STXBP5L: variants seen among roughly 807,000 people sequenced by gnomAD.
STXBP5L encodes syntaxin binding protein 5L.
Under a neutral mutation model 144.5 loss-of-function variants are expected in STXBP5L, and 65 were observed. That is an observed-to-expected ratio of 0.45 (90% CI 0.37 to 0.55). The LOEUF (loss-of-function observed/expected upper bound fraction) is 0.55, where lower values mean the gene tolerates loss of function less well. Ranked by LOEUF, STXBP5L falls within the 20% of genes least tolerant of loss-of-function variation. The pLI, the probability that STXBP5L is intolerant of heterozygous loss-of-function variation, is 0.00. For missense variants in STXBP5L, 1,298 were observed against 1,405.5 expected (o/e 0.92, Z 1.22); for synonymous variants, 505 against 469.6 (o/e 1.08, Z -0.97).
chr3:121,215,012 T>G (rs1353455892), intron 10 of STXBP5L, among the ~76,000 whole-genome samples: 2 of 152,144 alleles, frequency 1.3e-5, no homozygotes, highest in African/African-American at 2.4e-5. Context: ...TATCAGAGAT[T>G]AGGATTGCAA....
intron 7 of STXBP5L, among the ~76,000 whole-genome samples, chr3:121,143,185 T>C (rs1182231543): frequency 6.6e-6 from 1 of 151,082 alleles, no homozygotes; most frequent in African/African-American, 2.4e-5. Flanking sequence ...TAAGAACTAG[T>C]ATAGAGATTG....
At chr3:121,260,179 A>T (rs1181785592) in intron 18 of STXBP5L, among the ~76,000 whole-genome samples, 1 of 152,052 alleles carries the variant, frequency 6.6e-6, no homozygotes, top group Non-Finnish European at 1.5e-5. Context: ...TATCAGTAAA[A>T]TTTTTGTATA....
In STXBP5L at chr3:121,239,135, T is replaced by C. The variant is rs541067883; in HGVS notation, c.1332+17T>C. ...AGTAATAAGGTAAAAGTAGAAATTA[T>C]AAATAACTTTTTTTGTATTCATATC... is the stretch of plus-strand genomic sequence containing the variant. On this transcript the variant is annotated intron_variant, in intron 13 of 26. Transcript: ENST00000471454. The C allele has an allele frequency of 2.1e-6, 3 of 1,439,174 alleles. No homozygotes were observed. Among genetic ancestry groups the C allele is most frequent in the Non-Finnish European group, 1.9e-6 (2 of 1,065,378 alleles). The allele number at this position is 1,439,174 out of a possible 1,614,324, so 89.2% of individuals were successfully genotyped here.
At chr3:120,915,490 T>C (rs1432776492) in intron 2 of STXBP5L, among the ~76,000 whole-genome samples, 1 of 152,146 alleles carries the variant, frequency 6.6e-6, no homozygotes, top group African/African-American at 2.4e-5. Context: ...TTGAGTTTGT[T>C]TTTCTCATAA....
intron 5 of STXBP5L, among the ~76,000 whole-genome samples, chr3:121,066,763 A>G (rs1187648515): frequency 1.3e-5 from 2 of 151,994 alleles, no homozygotes; most frequent in Admixed American, 6.6e-5. Flanking sequence ...CCTTTTTTCT[A>G]TACTCTATAA....
intron 20 of STXBP5L, among the ~76,000 whole-genome samples, chr3:121,336,039 C>T (rs1355750500): frequency 6.6e-6 from 1 of 152,096 alleles, no homozygotes; most frequent in African/African-American, 2.4e-5. Context: ...GGACTAATAT[C>T]CAGCATCTAA....
At chr3:120,931,565 TC>T (rs1381751824) in intron 2 of STXBP5L, among the ~76,000 whole-genome samples, 9 of 152,216 alleles carry the variant, frequency 5.9e-5, no homozygotes, top group Non-Finnish European at 1.0e-4. Context: ...GCTTATTTTT[TC>T]TTTTGTTAAA....
chr3:121,035,893 C>A (rs1188100697), intron 3 of STXBP5L, among the ~76,000 whole-genome samples: 1 of 152,082 alleles, frequency 6.6e-6, no homozygotes. Context: ...TCTTTAATTT[C>A]TCTTTGTAAT....
intron 9 of STXBP5L, among the ~76,000 whole-genome samples, chr3:121,173,229 G>C (rs1311258351): frequency 6.6e-6 from 1 of 151,756 alleles, no homozygotes; most frequent in Non-Finnish European, 1.5e-5. Context: ...ACCTAAGGTA[G>C]ATCACAGGTT....
intron 5 of STXBP5L, among the ~76,000 whole-genome samples, chr3:121,090,191 T>G (rs557987176): frequency 3.3e-4 from 50 of 152,260 alleles, no homozygotes; most frequent in African/African-American, 1.2e-3. Context: ...AAACCCCTTT[T>G]TTAGGTGGTT....
rs564798717 is a variant in STXBP5L, at chr3:121,029,690, TTAAAC to T, written c.288-12005_288-12001del. ...GGCAAAATTGACAAATGGGATCTAA[TTAAAC>T]TAAAGAGATTCTGCACAGCAAAAGA... On this transcript the variant is annotated intron_variant, in intron 3 of 26. Transcript: ENST00000471454. Among the ~76,000 whole-genome samples, 629 of 152,208 alleles carry T rather than the reference TTAAAC, an allele frequency of 4.1e-3. 2 individuals are homozygous for T. Among genetic ancestry groups the T allele is most frequent in the African/African-American group, 0.014 (591 of 41,518 alleles).
At chr3:121,388,728 C>T (rs543011081) in intron 22 of STXBP5L, among the ~76,000 whole-genome samples, 2 of 152,272 alleles carry the variant, frequency 1.3e-5, no homozygotes, top group South Asian at 4.1e-4. Flanking sequence ...AGCCTTGCAT[C>T]CCAGGGAAGA....
At chr3:121,093,973 C>T (rs1351881610) in intron 5 of STXBP5L, among the ~76,000 whole-genome samples, 5 of 152,116 alleles carry the variant, frequency 3.3e-5, no homozygotes, top group African/African-American at 1.2e-4. Context: ...TACGTTGTGT[C>T]TTTGTTCTCG....
chr3:121,317,596 G>A (rs952034349), intron 19 of STXBP5L, among the ~76,000 whole-genome samples: 2 of 152,114 alleles, frequency 1.3e-5, no homozygotes, highest in African/African-American at 4.8e-5. Flanking sequence ...GATTAAAATA[G>A]AAATTATGAA....
At chr3:121,370,032 C>T (rs1216750474) in intron 20 of STXBP5L, among the ~76,000 whole-genome samples, 1 of 152,072 alleles carries the variant, frequency 6.6e-6, no homozygotes, top group East Asian at 1.9e-4. Flanking sequence ...TTCCCTCTTG[C>T]TGTTCTTGTG....
At chr3:121,028,112 A>G (rs1291689735) in intron 3 of STXBP5L, among the ~76,000 whole-genome samples, 1 of 152,132 alleles carries the variant, frequency 6.6e-6, no homozygotes, top group Non-Finnish European at 1.5e-5. Context: ...TAATACAAGT[A>G]TGTATTCAAA....
At chr3:120,939,798 G>A (rs935231405) in intron 2 of STXBP5L, among the ~76,000 whole-genome samples, 18 of 152,120 alleles carry the variant, frequency 1.2e-4, no homozygotes, top group Non-Finnish European at 8.8e-5. Flanking sequence ...TTAATCAGGT[G>A]TTTAACATGG....
intron 3 of STXBP5L, among the ~76,000 whole-genome samples, chr3:121,017,413 A>T (rs1348663445): frequency 6.6e-6 from 1 of 152,250 alleles, no homozygotes; most frequent in Non-Finnish European, 1.5e-5. Flanking sequence ...ATTTCTATTT[A>T]ACATCTTAGT....
At chr3:121,056,509 G>A (rs1253502065) in intron 5 of STXBP5L, among the ~76,000 whole-genome samples, 3 of 152,056 alleles carry the variant, frequency 2.0e-5, no homozygotes, top group African/African-American at 7.2e-5. Context: ...GAAATCTCTG[G>A]CAAACTGGAT....
Sources: gnomAD v4.1 joint callset for allele counts (sites outside exome capture counted in the v4.1 genomes callset) on GRCh38, gnomAD v4.1.1 for gene constraint, MANE v1.5 for transcripts, NCBI Gene and HGNC (gene_info 2026-07-23, HGNC 2026-07-21) for gene names.